Variants in NBEAL1 observed in about 807,000 individuals in gnomAD.
NBEAL1 encodes the protein neurobeachin like 1.
In NBEAL1, 273 loss-of-function variants were observed where a neutral mutation model predicts 351.3. The observed-to-expected ratio is 0.78, with a 90% CI of 0.70 to 0.86. The LOEUF (loss-of-function observed/expected upper bound fraction) is 0.86. Among genes scored for constraint, NBEAL1 ranks in the 40% least tolerant of loss-of-function variants. The pLI, the probability that NBEAL1 is intolerant of heterozygous loss-of-function variation, is 0.00. For missense variants in NBEAL1, 2,961 were observed against 3,201.3 expected, an observed-to-expected ratio of 0.92 and a Z score of 1.81; for synonymous variants, 1,050 against 1,086.4, an observed-to-expected ratio of 0.97 and a Z score of 0.66.
chr2:203,123,501 T>G (rs1266663261), intron 19 of NBEAL1, among the ~76,000 whole-genome samples: 1 of 151,514 alleles, frequency 6.6e-6, no homozygotes, highest in African/African-American at 2.4e-5. Flanking sequence ...CCCAGCTGAT[T>G]TTTGTATTTT....
chr2:203,059,216 T>C (rs1213301503), intron 6 of NBEAL1, among the ~76,000 whole-genome samples: 1 of 152,216 alleles, frequency 6.6e-6, no homozygotes, highest in Non-Finnish European at 1.5e-5. Context: ...TATATAGTGA[T>C]GTAATATTTT....
chr2:203,211,922 C>G (rs1228551143), intron 54 of NBEAL1, among the ~76,000 whole-genome samples: 1 of 152,110 alleles, frequency 6.6e-6, no homozygotes, highest in Non-Finnish European at 1.5e-5. Context: ...TAGTCTTGCT[C>G]TGTCACCCAG....
chr2:203,106,973 G>A (rs2062453582), intron 12 of NBEAL1, among the ~76,000 whole-genome samples: 1 of 152,060 alleles, frequency 6.6e-6, no homozygotes, highest in Admixed American at 6.6e-5. Context: ...GTTTCTTTCT[G>A]ACCACTATTC....
At chr2:203,110,822 G>C (rs1301814221) in intron 15 of NBEAL1, among the ~76,000 whole-genome samples, 1 of 125,528 alleles carries the variant, frequency 8.0e-6, no homozygotes, top group Non-Finnish European at 1.6e-5. Flanking sequence ...CTGGAGTACA[G>C]TGGCACGATC....
chr2:203,152,673 A>G (rs894200887), intron 35 of NBEAL1, among the ~76,000 whole-genome samples: 11 of 152,102 alleles, frequency 7.2e-5, no homozygotes, highest in South Asian at 2.1e-4. Context: ...CCTTTCCTTT[A>G]TAACTGTCTC....
chr2:203,052,694 C>T (rs956656513), intron 4 of NBEAL1, among the ~76,000 whole-genome samples: 19 of 151,950 alleles, frequency 1.3e-4, no homozygotes, highest in African/African-American at 4.3e-4. Context: ...GTAGCTGAGA[C>T]TACAGGTACA....
chr2:203,098,684 A>G (rs1301076823), intron 11 of NBEAL1, among the ~76,000 whole-genome samples: 3 of 152,136 alleles, frequency 2.0e-5, no homozygotes, highest in African/African-American at 7.2e-5. Context: ...AAATTAGGCT[A>G]GTTTTTATTT....
chr2:203,196,955 C>T (rs537094930), intron 47 of NBEAL1, among the ~76,000 whole-genome samples: 1 of 152,244 alleles, frequency 6.6e-6, no homozygotes, highest in East Asian at 1.9e-4. Context: ...ATTTGAGAAA[C>T]ATGTTCTTAT....
intron 2 of NBEAL1, among the ~76,000 whole-genome samples, chr2:203,032,660 C>CTTTTTTT (rs747309074): frequency 5.7e-5 from 4 of 70,144 alleles, no homozygotes; most frequent in East Asian, 5.3e-4. Context: ...GAAATTGTAG[C>CTTTTTTT]TTTTTTTTTT....
Position 203,112,792 on chromosome 2 carries a change from A to T in NBEAL1, c.2203-223A>T, listed in dbSNP as rs73056765. 4.7e-3 allele frequency among the ~76,000 whole-genome samples: 716 copies of T among 152,358 alleles called. 6 individuals carry two copies. Among genetic ancestry groups the T allele is most frequent in the African/African-American group, 0.017 (687 of 41,588 alleles). On this transcript the variant is annotated intron_variant, in intron 16 of 55. Transcript: ENST00000683969. ...CCAAAGAATATAAAATAGTCATAGA[A>T]GTAATGCATCCAAATGCTATAGGCC...
intron 7 of NBEAL1, among the ~76,000 whole-genome samples, chr2:203,075,933 A>G (rs2061763651): frequency 6.6e-6 from 1 of 152,210 alleles, no homozygotes; most frequent in African/African-American, 2.4e-5. Flanking sequence ...TTTTTTAATT[A>G]TAAGTTTCTA....
chr2:203,153,233 A>G (rs2063708712), intron 35 of NBEAL1, among the ~76,000 whole-genome samples: 1 of 151,862 alleles, frequency 6.6e-6, no homozygotes, highest in African/African-American at 2.4e-5. Flanking sequence ...CCTGGGCTCA[A>G]TCGATCCTTC....
chr2:203,178,771 G>T (rs549681988), intron 42 of NBEAL1, among the ~76,000 whole-genome samples: 13 of 152,290 alleles, frequency 8.5e-5, no homozygotes, highest in African/African-American at 2.6e-4. Flanking sequence ...GCAGTCTCCA[G>T]GGGTGGGAGT....
intron 12 of NBEAL1, among the ~76,000 whole-genome samples, chr2:203,100,097 T>C (rs2062280434): frequency 6.6e-6 from 1 of 152,258 alleles, no homozygotes; most frequent in South Asian, 2.1e-4. Context: ...TTTGTTTTTA[T>C]GGCTGTGTAG....
intron 35 of NBEAL1, among the ~76,000 whole-genome samples, chr2:203,153,270 C>T (rs147334277): frequency 2.0e-4 from 30 of 150,618 alleles, no homozygotes; most frequent in Non-Finnish European, 3.7e-4. Flanking sequence ...TTAGCTGGGA[C>T]TACCAATGCA....
Position 203,175,107 on chromosome 2 carries a change from A to G in NBEAL1, c.6324-40A>G, listed in dbSNP as rs752371430. ...AAACTTATGCCCCCTTATGTACTTTATTATTGTGGTTTTAAAACTTTAGGA... is the reference window on the plus strand; with the variant it reads ...AAACTTATGCCCCCTTATGTACTTTGTTATTGTGGTTTTAAAACTTTAGGA... On this transcript the variant is annotated intron_variant, in intron 41 of 55. Coordinates refer to ENST00000683969, the MANE Select transcript of NBEAL1 (RefSeq NM_001378026.1). 8.4e-6 allele frequency: 13 copies of G among 1,547,740 alleles called. No homozygotes were observed. The South Asian group carries it at 1.4e-4, about 16-fold the overall frequency.
chr2:203,145,144 G>A lies in NBEAL1; in HGVS notation c.5288G>A (p.Ser1763Asn). 1 of 1,576,070 alleles carries A rather than the reference G, an allele frequency of 6.3e-7. No individual in the cohort carries two copies. The highest frequency in any genetic ancestry group is 8.7e-7 in the Non-Finnish European group (1 of 1,155,720). ...MHKRDREGGE[S>N]KLKFQELFVE... ...AAACGAGACCGGGAAGGAGGGGAAA[G>A]CAAGCTCAAATTTCAGGTAAAAAGT... The change falls in exon 33 of 56, where the codon AGC becomes AAC. Residue 1763 changes from serine (S) to asparagine (N), a missense_variant. Ser to Asn is a conservative substitution (Grantham distance 46). Transcript: ENST00000683969.
chr2:203,193,886 C>T lies in NBEAL1; in HGVS notation c.7013C>T (p.Pro2338Leu). ...TSTLNLFQHL[P>L]ELKSFFIEGI... ...ACCCTAAACCTGTTTCAACACCTTC[C>T]TGAACTCAAGTCATTTTTTATAGAG... Residue 2338 changes from proline to leucine, a missense_variant, in exon 47 of 56, where the codon CCT becomes CTT. By Grantham distance (98) the Pro-to-Leu change is moderately conservative. Transcript: ENST00000683969. The T allele has an allele frequency of 6.2e-7, 1 of 1,607,848 alleles. No homozygotes were observed. The highest frequency in any genetic ancestry group is 8.5e-7 in the Non-Finnish European group (1 of 1,176,142).
chr2:203,156,461 C>G (rs1030105628), intron 35 of NBEAL1, among the ~76,000 whole-genome samples: 1 of 152,156 alleles, frequency 6.6e-6, no homozygotes, highest in Non-Finnish European at 1.5e-5. Flanking sequence ...AGTCAATTTC[C>G]TATTTGTATC....
Sources: gnomAD v4.1 joint callset for allele counts (sites outside exome capture counted in the v4.1 genomes callset) on GRCh38, gnomAD v4.1.1 for gene constraint, MANE v1.5 for transcripts, NCBI Gene and HGNC (gene_info 2026-07-23, HGNC 2026-07-21) for gene names.